The following ZNF512B variants were observed in gnomAD, a reference collection of about 807,000 sequenced individuals.
ZNF512B encodes the protein zinc finger protein 512B.
In ZNF512B, 22 loss-of-function variants were observed where a neutral mutation model predicts 87.8. The observed-to-expected ratio is 0.25, with a 90% CI of 0.18 to 0.36. The LOEUF (loss-of-function observed/expected upper bound fraction) is 0.36. ZNF512B is among the 10% of genes least tolerant of loss of function. The probability of loss-of-function intolerance (pLI) is 1.00; values close to 1 mark genes in which losing one functional copy is unlikely to be tolerated. For missense variants in ZNF512B, 1,060 were observed against 1,231.6 expected (o/e 0.86, Z 2.09); for synonymous variants, 524 against 490.9 (o/e 1.07, Z -0.89).
At chr20:63,960,580 C>T in intron 16 of ZNF512B, among the ~76,000 whole-genome samples, 1 of 120,822 alleles carries the variant, frequency 8.3e-6, no homozygotes, top group Non-Finnish European at 1.8e-5. Flanking sequence ...CAGGACCAGG[C>T]AGGCACCTGC....
Position 63,966,145 on chromosome 20 carries a change from T to C in ZNF512B, c.1030A>G (p.Lys344Glu), listed in dbSNP as rs1353872024. 10 of 1,596,870 alleles carry C rather than the reference T, an allele frequency of 6.3e-6. No homozygotes were observed. The highest frequency in any genetic ancestry group is 8.6e-6 in the Non-Finnish European group (10 of 1,169,108). ...ACCTGGGACGAGCCCCCATACCTTT[T>C]CTTACCACTGTTCCTCCCTGTGGCA... is the stretch of plus-strand genomic sequence containing the variant. The part of the protein sequence containing the change: ...PRATGRNSGK[K>E]RAADSLDTCP... Residue 344 changes from lysine (K) to glutamate (E), a missense_variant, in exon 5 of 17, where the codon AAA becomes GAA. Physicochemically the swap from Lys to Glu is moderately conservative, Grantham distance 56 (BLOSUM62 1). Around this residue, in one of 9 missense-constraint regions of ZNF512B, gnomAD observed 12 missense variants for 32.0 expected, o/e 0.38. Transcript: ENST00000369888.
intron 9 of ZNF512B, 25 bp from the exon 10 acceptor site, chr20:63,963,735 GC>G (rs1405566133): frequency 6.2e-7 from 1 of 1,613,162 alleles, no homozygotes; most frequent in East Asian, 2.2e-5. Context: ...CATGTGAGAA[GC>G]CTGCCTGGGG....
rs1397834679 is a variant in ZNF512B at position 63,961,160 on chromosome 20, G to T, written c.2427+149C>A. 1 of 714,554 alleles carries T rather than the reference G, an allele frequency of 1.4e-6. No individual in the cohort carries two copies. The highest frequency in any genetic ancestry group is 2.4e-6 in the Non-Finnish European group (1 of 422,168). 44.3% of individuals were successfully genotyped at this position (714,554 alleles called of 1,614,324 possible). A position where few individuals can be genotyped will look rare whatever the true frequency, so the allele number is the denominator to read the frequency against. ...GGGAAGCCAGACCCCACTTTGAGGA[G>T]AAACTACCAGATTTCTCCACATTGG... On this transcript the variant is annotated intron_variant, in intron 16 of 16. Coordinates refer to ENST00000369888, the MANE Select transcript of ZNF512B (RefSeq NM_020713.3). The surrounding 1 kb of genome is among the most constrained non-coding windows in gnomAD (Gnocchi z 6.4).
rs1026668556 is a variant in ZNF512B at position 63,966,649 on chromosome 20, T to C, written c.526A>G (p.Ile176Val). 14 of 1,613,252 alleles carry C rather than the reference T, an allele frequency of 8.7e-6. No individual in the cohort carries two copies. Among genetic ancestry groups the C allele is most frequent in the Admixed American group, 5.0e-5 (3 of 60,006 alleles). Reference protein sequence around the residue: ...RPLPASKPGPISRPVTISRPV... With the variant: ...RPLPASKPGPVSRPVTISRPV... ...CGGCTGATGGTGACCGGCCTGCTGA[T>C]GGGCCCAGGCTTGGAGGCAGGCAGG... Residue 176 changes from isoleucine to valine, a missense_variant, in exon 5 of 17, where the codon ATC becomes GTC. Coordinates refer to ENST00000369888, the MANE Select transcript of ZNF512B (RefSeq NM_020713.3).
At position 63,964,523 on chromosome 20, in the gene ZNF512B, G is replaced by A. The variant is rs770824372; in HGVS notation, c.1228C>T (p.Pro410Ser). The A allele has an allele frequency of 1.1e-5, 17 of 1,612,752 alleles. No homozygotes were observed. The highest frequency in any genetic ancestry group is 1.4e-5 in the Non-Finnish European group (17 of 1,179,918). ...GTGCGCTCCGGGTCCTCCTCAGGCG[G>A]GGACGCAGGGCCTGCAGCCTTCAGT... ...EALKAAGPAS[P>S]PEEDPERTKH... Residue 410 changes from proline (P) to serine (S), a missense_variant, in exon 6 of 17, where the codon CCG (proline) becomes TCG (serine). Transcript: ENST00000369888.
At position 63,961,384 on chromosome 20, in the gene ZNF512B, G is replaced by C. The variant is rs2058849126; in HGVS notation, c.2352C>G (p.Tyr784Ter). The C allele has an allele frequency of 6.2e-7, 1 of 1,612,270 alleles. No individual in the cohort carries two copies. Among genetic ancestry groups the C allele is most frequent in the African/African-American group, 1.3e-5 (1 of 74,924 alleles). The change falls in exon 16 of 17, where the codon TAC becomes TAG. Residue 784 changes from tyrosine (Y) to a stop codon, truncating the protein, a stop_gained. Coordinates refer to ENST00000369888, the MANE Select transcript of ZNF512B (RefSeq NM_020713.3). LOFTEE classifies it high-confidence loss of function. This position sits in a 1 kb window ranked among gnomAD's most constrained non-coding sequence, Gnocchi z 6.4. ...ACTCCTTCGGACACAGCAGACAGCG[G>C]TACTTCCCTGCCAGGTGGGCCCCCT... ...CSKGAHLAGKYRCLLCPKEFS... is the reference protein window; with the variant it reads ...CSKGAHLAGK
Position 63,964,641 on chromosome 20 carries a change from G to C in ZNF512B, c.1110C>G (p.Ser370=), listed in dbSNP as rs563995727. 1 of 1,612,766 alleles carries C rather than the reference G, an allele frequency of 6.2e-7. No individual in the cohort carries two copies. The highest frequency in any genetic ancestry group is 1.3e-5 in the African/African-American group (1 of 75,036). The change falls in exon 6 of 17, where the codon TCC becomes TCG. Residue 370 remains serine (S), a synonymous_variant. Transcript: ENST00000369888. ...GGAAGGCCGAGCTCTGGCCCATGGA[G>C]GAGGGGCCGTACTCCCCATTCTCTG... The part of the protein sequence containing the change: ...ARPENGEYGP[S]SMGQSSAFQL...
At chr20:63,967,980 GCCTGACGGGC>G in intron 1 of ZNF512B, 28 bp from the exon 2 acceptor site, 4 of 1,585,630 alleles carry the variant, frequency 2.5e-6, no homozygotes, top group Non-Finnish European at 3.4e-6. Flanking sequence ...AATCTGTGAA[GCCTGACGGGC>G]CCCACTTGGA....
At position 63,966,402 on chromosome 20, in the gene ZNF512B, A is replaced by G; in HGVS notation, c.773T>C (p.Ile258Thr). The change falls in exon 5 of 17, where the codon ATC becomes ACC. Residue 258 changes from isoleucine (I) to threonine (T), a missense_variant. Transcript: ENST00000369888. ...GACCGGCACAGACTTGGTGACTGTG[A>G]TGGGTTTGGTGACCGGCATGGCCTT... ...VTKAMPVTKP[I>T]TVTKSVPVTK... 6.2e-7 allele frequency: 1 copy of G among 1,613,886 alleles called. No homozygotes were observed. Among genetic ancestry groups the G allele is most frequent in the Non-Finnish European group, 8.5e-7 (1 of 1,180,006 alleles).
rs1386135468 is a variant in ZNF512B at position 63,959,804 on chromosome 20, G to A, written c.*84C>T. On this transcript the variant is annotated 3_prime_UTR_variant, in exon 17 of 17. Transcript: ENST00000369888. ...GGCGGGGGTGGGGGATGGAGAACTGGAGGACAGAGGTCCCGGAGCTGGCCC... is the reference window on the plus strand; with the variant it reads ...GGCGGGGGTGGGGGATGGAGAACTGAAGGACAGAGGTCCCGGAGCTGGCCC... 2.7e-6 allele frequency: 4 copies of A among 1,483,808 alleles called. No homozygotes were observed. The highest frequency in any genetic ancestry group is 8.9e-7 in the Non-Finnish European group (1 of 1,124,210). The allele number at this position is 1,483,808 out of a possible 1,614,324, so 91.9% of individuals were successfully genotyped here.
At chr20:63,969,381 G>C (rs1339030332) in intron 1 of ZNF512B, among the ~76,000 whole-genome samples, 1 of 152,116 alleles carries the variant, frequency 6.6e-6, no homozygotes, top group South Asian at 2.1e-4. Flanking sequence ...GGGAGAGGGG[G>C]CTCCGCCGCG....
At position 63,967,518 on chromosome 20, in the gene ZNF512B, G is replaced by A; in HGVS notation, c.127C>T (p.Pro43Ser). 1 of 1,600,864 alleles carries A rather than the reference G, an allele frequency of 6.2e-7. No individual in the cohort carries two copies. The highest frequency in any genetic ancestry group is 1.7e-5 in the Admixed American group (1 of 58,822). ...MLHDPPKMGM[P>S]VVRGGQTVPG... ...ACTGTCTGTCCACCACGGACCACCG[G>A]CATCCCTGCAGCACACAACACAGCA... The change falls in exon 3 of 17, where the codon CCG becomes TCG. Residue 43 changes from proline (P) to serine (S), a missense_variant. Around this residue, in one of 9 missense-constraint regions of ZNF512B, gnomAD observed 134 missense variants for 153.6 expected, o/e 0.87. Coordinates refer to ENST00000369888, the MANE Select transcript of ZNF512B (RefSeq NM_020713.3).
chr20:63,966,970 T>C lies in ZNF512B; in HGVS notation c.299A>G (p.Lys100Arg), dbSNP rs746764743. ...TGGACACTTCACCCTCGAGTGTGCC[T>C]TGAACTCATCCTTCCAGTCGTTCAT... Reference protein sequence around the residue: ...SLMNDWKDEFKAHSRVKCPNS... With the variant: ...SLMNDWKDEFRAHSRVKCPNS... The change falls in exon 4 of 17, where the codon AAG becomes AGG. Residue 100 changes from lysine (K) to arginine (R), a missense_variant. Physicochemically the swap from Lys to Arg is conservative, Grantham distance 26 (BLOSUM62 2). Coordinates refer to ENST00000369888, the MANE Select transcript of ZNF512B (RefSeq NM_020713.3). 10 of 1,613,704 alleles carry C rather than the reference T, an allele frequency of 6.2e-6. No homozygotes were observed. The highest frequency in any genetic ancestry group is 8.5e-6 in the Non-Finnish European group (10 of 1,180,014).
chr20:63,967,994 A>C, intron 1 of ZNF512B, 42 bp from the exon 2 acceptor site: 1 of 1,576,902 alleles, frequency 6.3e-7, no homozygotes, highest in Non-Finnish European at 8.7e-7. Flanking sequence ...GACGGGCCCC[A>C]CTTGGAACAC....
Position 63,963,880 on chromosome 20 carries a change from T to G in ZNF512B, c.1514A>C (p.His505Pro). ...GPEEQWQRAI[H>P]ERGEAVCPTC... is the part of the protein sequence containing the mutation. ...GGGGCAGACGGCTTCCCCGCGCTCA[T>G]GGATGGCCCTCTGCCACTGCTCTTC... The change falls in exon 9 of 17, where the codon CAT becomes CCT. Residue 505 changes from histidine to proline, a missense_variant. His to Pro is a moderately conservative substitution (Grantham distance 77). Coordinates refer to ENST00000369888, the MANE Select transcript of ZNF512B (RefSeq NM_020713.3). The G allele has an allele frequency of 6.2e-7, 1 of 1,612,106 alleles. No homozygotes were observed. The highest frequency in any genetic ancestry group is 8.5e-7 in the Non-Finnish European group (1 of 1,180,000).
rs753178523 is a variant in ZNF512B, at chr20:63,962,276, G to A, written c.2262C>T (p.Asn754=). 30 of 1,610,408 alleles carry A rather than the reference G, an allele frequency of 1.9e-5. No homozygotes were observed. Among genetic ancestry groups the A allele is most frequent in the Admixed American group, 1.7e-4 (10 of 59,922 alleles). The change falls in exon 14 of 17, where the codon AAC becomes AAT. Residue 754 remains asparagine, a synonymous_variant. Coordinates refer to ENST00000369888, the MANE Select transcript of ZNF512B (RefSeq NM_020713.3). The part of the protein sequence containing the change: ...VKEKGHVNCP[N]DCCEAIYSSV... ...CCACCCGGCTGCCTCCGCTCACGTC[G>A]TTGGGACAGTTGACGTGGCCTTTCT... is the stretch of plus-strand genomic sequence containing the variant.
At position 63,966,347 on chromosome 20, in the gene ZNF512B, A is replaced by G; in HGVS notation, c.828T>C (p.Ile276=). The G allele has an allele frequency of 1.9e-6, 3 of 1,593,628 alleles. No individual in the cohort carries two copies. Among genetic ancestry groups the G allele is most frequent in the Non-Finnish European group, 2.6e-6 (3 of 1,166,016 alleles). The change falls in exon 5 of 17, where the codon ATT becomes ATC. Residue 276 remains isoleucine, a synonymous_variant. Coordinates refer to ENST00000369888, the MANE Select transcript of ZNF512B (RefSeq NM_020713.3). Reference sequence around the variant, plus strand: ...TAACTGTCACAAGCTTTGTTACCGTAATGGGTTTGGTGACAGGTACGGGTT... The same window carrying G: ...TAACTGTCACAAGCTTTGTTACCGTGATGGGTTTGGTGACAGGTACGGGTT... ...VTKPVPVTKP[I]TVTKLVTVTK...
Position 63,967,414 on chromosome 20 carries a change from T to G in ZNF512B, c.231A>C (p.Pro77=). Residue 77 remains proline, a synonymous_variant, in exon 3 of 17, where the codon CCA becomes CCC. Coordinates refer to ENST00000369888, the MANE Select transcript of ZNF512B (RefSeq NM_020713.3). Reference sequence around the variant, plus strand: ...CTCGGAGGGCCTGGTTCTCGGCTTTTGGCCGCCCCTTTTTCTTCCCTTCTG... The same window carrying G: ...CTCGGAGGGCCTGGTTCTCGGCTTTGGGCCGCCCCTTTTTCTTCCCTTCTG... ...DKTEGKKKGR[P]KAENQALRDI... is the part of the protein sequence containing the mutation. The G allele has an allele frequency of 6.2e-7, 1 of 1,613,010 alleles. No homozygotes were observed. Among genetic ancestry groups the G allele is most frequent in the Non-Finnish European group, 8.5e-7 (1 of 1,179,374 alleles).
chr20:63,962,882 C>T, intron 12 of ZNF512B, 101 bp from the exon 13 acceptor site: 1 of 1,324,150 alleles, frequency 7.6e-7, no homozygotes, highest in Non-Finnish European at 1.0e-6. Context: ...CCACAGGCCT[C>T]CCAGTGTGCT....
Sources: allele counts gnomAD v4.1 joint callset (sites outside exome capture counted in the v4.1 genomes callset), GRCh38; gene constraint gnomAD v4.1.1; regional missense constraint gnomAD v4.1.1; non-coding constraint Gnocchi (gnomAD v3.1); transcripts MANE v1.5; gene names NCBI Gene and HGNC (gene_info 2026-07-23, HGNC 2026-07-21).